The following GTF2A1 variants were observed in gnomAD, a reference collection of about 807,000 sequenced individuals.
GTF2A1 encodes the protein transcription initiation factor IIA subunit 1.
Under a neutral mutation model 54.1 loss-of-function variants are expected in GTF2A1, and 12 were observed. That is an observed-to-expected ratio of 0.22 (90% CI 0.14 to 0.36). The LOEUF (loss-of-function observed/expected upper bound fraction) is 0.36, where lower values mean the gene tolerates loss of function less well. GTF2A1 is among the 10% of genes least tolerant of loss of function. The pLI, the probability that GTF2A1 is intolerant of heterozygous loss-of-function variation, is 1.00. For missense variants in GTF2A1, 335 were observed against 442.2 expected (o/e 0.76, Z 2.17); for synonymous variants, 145 against 152.0 (o/e 0.95, Z 0.34).
chr14:81,199,154 T>C (rs1232887541), intron 4 of GTF2A1, among the ~76,000 whole-genome samples: 6 of 152,220 alleles, frequency 3.9e-5, no homozygotes, highest in Non-Finnish European at 1.5e-5. Flanking sequence ...ATTAAGTGCC[T>C]ATAATTCATA....
At chr14:81,219,225 A>C (rs981361565) in intron 1 of GTF2A1, among the ~76,000 whole-genome samples, 1 of 152,120 alleles carries the variant, frequency 6.6e-6, no homozygotes, top group African/African-American at 2.4e-5. Flanking sequence ...CAAAACCAAA[A>C]CTTGGGGCTC....
At chr14:81,190,566 G>T (rs1332846366) in intron 7 of GTF2A1, among the ~76,000 whole-genome samples, 2 of 151,916 alleles carry the variant, frequency 1.3e-5, no homozygotes, top group African/African-American at 4.8e-5. Context: ...AATCATTGCA[G>T]AAAAGGTGTT....
chr14:81,190,975 TAAA>T (rs1409701914), intron 7 of GTF2A1, among the ~76,000 whole-genome samples: 1 of 152,088 alleles, frequency 6.6e-6, no homozygotes, highest in African/African-American at 2.4e-5. Context: ...GAAAAGGTAA[TAAA>T]AACATGTTAC....
intron 8 of GTF2A1, among the ~76,000 whole-genome samples, chr14:81,182,637 T>C (rs1892663724): frequency 6.6e-6 from 1 of 152,192 alleles, no homozygotes; most frequent in African/African-American, 2.4e-5. Flanking sequence ...TTCAGCAACC[T>C]CTGCTTCCTC....
Position 81,208,856 on chromosome 14 carries a change from G to C in GTF2A1, c.133-4752C>G, listed in dbSNP as rs553399043. ...ATGGGCCCTGTAACCCCTTTGTTTT[G>C]GCCAATTTCTCCCATTTGGAACAGC... On this transcript the variant is annotated intron_variant, in intron 2 of 8. Transcript: ENST00000553612. Among the ~76,000 whole-genome samples the C allele has an allele frequency of 4.6e-5, 7 of 152,192 alleles. No individual in the cohort carries two copies. In the East Asian group the frequency reaches 1.3e-3, roughly 29 times the overall value.
chr14:81,213,406 T>C (rs751986164), intron 2 of GTF2A1, among the ~76,000 whole-genome samples: 4 of 152,306 alleles, frequency 2.6e-5, no homozygotes, highest in South Asian at 2.1e-4. Context: ...CAGATTTTCA[T>C]TGTGAAAAGC....
At chr14:81,187,271 C>T (rs1009486475) in intron 7 of GTF2A1, among the ~76,000 whole-genome samples, 8 of 150,910 alleles carry the variant, frequency 5.3e-5, no homozygotes, top group Non-Finnish European at 7.4e-5. Context: ...AGGAGAATGG[C>T]GGGAACCCAG....
At chr14:81,215,379 T>C (rs1476773212) in intron 2 of GTF2A1, among the ~76,000 whole-genome samples, 1 of 152,188 alleles carries the variant, frequency 6.6e-6, no homozygotes, top group African/African-American at 2.4e-5. Context: ...ACGGGCAAAC[T>C]ATGATTTTCC....
At chr14:81,217,627 C>T (rs1480490475) in intron 1 of GTF2A1, among the ~76,000 whole-genome samples, 1 of 152,100 alleles carries the variant, frequency 6.6e-6, no homozygotes, top group East Asian at 1.9e-4. Flanking sequence ...TAGTGAAACC[C>T]AATCTCCACA....
chr14:81,216,942 AATC>A (rs1893501323), intron 1 of GTF2A1, among the ~76,000 whole-genome samples: 1 of 152,176 alleles, frequency 6.6e-6, no homozygotes, highest in East Asian at 1.9e-4. Flanking sequence ...GCCTGGTAAT[AATC>A]TGCAACCTAA....
At chr14:81,214,322 A>T (rs943409610) in intron 2 of GTF2A1, among the ~76,000 whole-genome samples, 1 of 152,074 alleles carries the variant, frequency 6.6e-6, no homozygotes, top group African/African-American at 2.4e-5. Flanking sequence ...GCAGTTCTAA[A>T]ACTCTTTCAT....
chr14:81,198,516 C>A (rs1013248617), intron 4 of GTF2A1, among the ~76,000 whole-genome samples: 2 of 152,166 alleles, frequency 1.3e-5, no homozygotes, highest in South Asian at 4.1e-4. Flanking sequence ...TTATGAATTT[C>A]TTTAAATCCA....
rs376414475 is a variant in GTF2A1 at position 81,196,016 on chromosome 14, C to T, written c.612+92G>A. ...TGGGTCTGTAGCACTGAAAAAGAGT[C>T]TTTTGTGCATATAAGGAGAGGGAAA... On this transcript the variant is annotated intron_variant, in intron 6 of 8. Coordinates refer to ENST00000553612, the MANE Select transcript of GTF2A1 (RefSeq NM_015859.4). 772 of 1,143,424 alleles carry T rather than the reference C, an allele frequency of 6.8e-4. No homozygotes were observed. The African/African-American group carries it at 8.6e-3, about 13-fold the overall frequency. 70.8% of individuals were successfully genotyped at this position (1,143,424 alleles called of 1,614,324 possible). A position where few individuals can be genotyped will look rare whatever the true frequency, so the allele number is the denominator to read the frequency against.
At chr14:81,190,347 TAAG>T (rs1310201229) in intron 7 of GTF2A1, among the ~76,000 whole-genome samples, 1 of 151,114 alleles carries the variant, frequency 6.6e-6, no homozygotes, top group Non-Finnish European at 1.5e-5. Flanking sequence ...GAAAACCTTG[TAAG>T]AAGAGTATGA....
chr14:81,196,459 C>G (rs1320816043), intron 5 of GTF2A1, among the ~76,000 whole-genome samples: 1 of 152,176 alleles, frequency 6.6e-6, no homozygotes, highest in Non-Finnish European at 1.5e-5. Context: ...TTTTATTTTT[C>G]ATATTTACAT....
chr14:81,192,240 T>A (rs999211294), intron 7 of GTF2A1, among the ~76,000 whole-genome samples: 5 of 152,206 alleles, frequency 3.3e-5, no homozygotes, highest in African/African-American at 7.2e-5. Flanking sequence ...AAGCCAGAGT[T>A]AGAATTACCT....
At chr14:81,204,267 A>G (rs1566858385) in intron 2 of GTF2A1, 163 bp from the exon 3 acceptor site, 1 of 759,994 alleles carries the variant, frequency 1.3e-6, no homozygotes, top group Non-Finnish European at 2.4e-6. Context: ...ACAATAACAA[A>G]AACAAAATTT....
chr14:81,193,412 G>C (rs983582211), intron 6 of GTF2A1, among the ~76,000 whole-genome samples: 2 of 151,988 alleles, frequency 1.3e-5, no homozygotes, highest in Non-Finnish European at 2.9e-5. Flanking sequence ...TGATCCGCCC[G>C]CCTCCCAAAG....
rs193016642 is a variant in GTF2A1, at chr14:81,213,724, A to G, written c.132+2689T>C. Among the ~76,000 whole-genome samples, 118 of 152,330 alleles carry G rather than the reference A, an allele frequency of 7.7e-4. 1 individual carries two copies. The highest frequency in any genetic ancestry group is 2.7e-3 in the African/African-American group (114 of 41,584). On this transcript the variant is annotated intron_variant, in intron 2 of 8. Transcript: ENST00000553612. ...TTAGCACTCTTACACTTGTATTTTTAGATACCTACTCTTCACTATTAGTAA... is the reference window on the plus strand; with the variant it reads ...TTAGCACTCTTACACTTGTATTTTTGGATACCTACTCTTCACTATTAGTAA...
Sources: gnomAD v4.1 joint callset for allele counts (sites outside exome capture counted in the v4.1 genomes callset) on GRCh38, gnomAD v4.1.1 for gene constraint, MANE v1.5 for transcripts, NCBI Gene and HGNC (gene_info 2026-07-23, HGNC 2026-07-21) for gene names.